GPRC5C: variants seen among roughly 807,000 people sequenced by gnomAD.
GPRC5C encodes the protein G protein-coupled receptor class C group 5 member C.
GPRC5C carries 22 observed loss-of-function variants against 31.4 expected under a neutral mutation model. The observed-to-expected ratio is 0.70, with a 90% CI of 0.50 to 1.00. The LOEUF (loss-of-function observed/expected upper bound fraction) is 1.00, where lower values mean the gene tolerates loss of function less well. Among genes scored for constraint, GPRC5C ranks in the 50% least tolerant of loss-of-function variants. The pLI, the probability that GPRC5C is intolerant of heterozygous loss-of-function variation, is 0.00. For synonymous variants in GPRC5C, 249 were observed against 257.5 expected (o/e 0.97, Z 0.32); for missense variants, 557 against 597.2 (o/e 0.93, Z 0.70).
chr17:74,442,043 C>T (rs1409864012), intron 2 of GPRC5C, among the ~76,000 whole-genome samples: 4 of 152,086 alleles, frequency 2.6e-5, no homozygotes, highest in African/African-American at 9.7e-5. Context: ...CGCTCTGTCA[C>T]CCAGGCTGGA....
downstream of GPRC5C, chr17:74,449,508 G>A: frequency 2.3e-6 from 1 of 427,332 alleles, no homozygotes; most frequent in Non-Finnish European, 4.4e-6. Context: ...TGGACCGAGT[G>A]GGCCCCCGTG....
At position 74,446,775 on chromosome 17, in the gene GPRC5C, A is replaced by G. The variant is rs1008875222; in HGVS notation, c.1147-74A>G. 13 of 1,147,764 alleles carry G rather than the reference A, an allele frequency of 1.1e-5. No individual in the cohort carries two copies. The Admixed American group carries it at 2.4e-4, about 21-fold the overall frequency. 71.1% of individuals were successfully genotyped at this position (1,147,764 alleles called of 1,614,324 possible). Reference sequence around the variant, plus strand: ...ATCTGGCAGTCCCAGCCCTGCAGGAAGTGTTTGTGCATCCGCCCCGGCGGA... The same window carrying G: ...ATCTGGCAGTCCCAGCCCTGCAGGAGGTGTTTGTGCATCCGCCCCGGCGGA... On this transcript the variant is annotated intron_variant, in intron 3 of 3. Transcript: ENST00000392627.
Position 74,447,005 on chromosome 17 carries a change from A to G in GPRC5C, c.1303A>G (p.Arg435Gly). 1 of 1,614,008 alleles carries G rather than the reference A, an allele frequency of 6.2e-7. No individual in the cohort carries two copies. The highest frequency in any genetic ancestry group is 1.1e-5 in the South Asian group (1 of 91,086). ...PKDGKNSQVF[R>G]NPYVWD is the part of the protein sequence containing the mutation. ...AGACGGCAAGAACTCTCAGGTCTTT[A>G]GAAACCCCTACGTGTGGGACTGAGT... Residue 435 changes from arginine to glycine, a missense_variant, in exon 4 of 4, where the codon AGA becomes GGA. Physicochemically the swap from Arg to Gly is moderately radical, Grantham distance 125. Transcript: ENST00000392627.
intron 1 of GPRC5C, among the ~76,000 whole-genome samples, chr17:74,434,687 C>T (rs1345477153): frequency 6.6e-6 from 1 of 152,190 alleles, no homozygotes; most frequent in African/African-American, 2.4e-5. Flanking sequence ...CTTTGAGAGG[C>T]TGAGGTAGGT....
At chr17:74,445,203 C>T (rs4530705) in intron 3 of GPRC5C, 93,971 of 151,718 alleles carry the variant, frequency 0.62, 34,340 homozygotes, top group Non-Finnish European at 0.79. Context: ...TGAGCACAGA[C>T]TGTACCACTG....
chr17:74,438,120 G>A (rs2055461955), intron 1 of GPRC5C, among the ~76,000 whole-genome samples: 1 of 145,368 alleles, frequency 6.9e-6, no homozygotes, highest in South Asian at 2.2e-4. Context: ...CTGCAGCCTC[G>A]ATCCCCTGGG....
At chr17:74,433,623 C>T in intron 1 of GPRC5C, 2 of 1,125,582 alleles carry the variant, frequency 1.8e-6, no homozygotes, top group Admixed American at 1.7e-5. Flanking sequence ...GGCTGTCAGT[C>T]GGGCCATCGT....
At position 74,443,867 on chromosome 17, in the gene GPRC5C, C is replaced by T; in HGVS notation, c.1101C>T (p.Thr367=). The change falls in exon 3 of 4, where the codon ACC becomes ACT. Residue 367 remains threonine, a synonymous_variant. Transcript: ENST00000392627. ...PYSGYNGQLL[T]SVYQPTEMAL... The stretch of plus-strand genomic sequence containing the variant: ...GCGGGTACAATGGGCAGCTGCTGAC[C>T]AGTGTGTACCAGCCCACTGAGATGG... 2.5e-6 allele frequency: 4 copies of T among 1,613,524 alleles called. No homozygotes were observed. Among genetic ancestry groups the T allele is most frequent in the East Asian group, 2.2e-5 (1 of 44,886 alleles).
chr17:74,442,833 C>T (rs2670824), intron 2 of GPRC5C, among the ~76,000 whole-genome samples: 31 of 152,150 alleles, frequency 2.0e-4, no homozygotes, highest in South Asian at 4.1e-4. Flanking sequence ...GTGTGCATGG[C>T]GGGGGTGGAA....
At position 74,432,412 on chromosome 17, in the gene GPRC5C, G is replaced by A. The variant is rs564045483; in HGVS notation, c.-33+271G>A. 3,173 of 1,198,718 alleles carry A rather than the reference G, an allele frequency of 2.6e-3. 7 individuals are homozygous for A. The highest frequency in any genetic ancestry group is 3.0e-3 in the Non-Finnish European group (2,918 of 965,674). The allele number at this position is 1,198,718 out of a possible 1,614,324, so 74.3% of individuals were successfully genotyped here. ...GGGCCCCGCCATCCCAGCCAGGACCGGGCCTGGCCCAGCGCCCCGCGCCGC... is the reference window on the plus strand; with the variant it reads ...GGGCCCCGCCATCCCAGCCAGGACCAGGCCTGGCCCAGCGCCCCGCGCCGC... On this transcript the variant is annotated intron_variant, in intron 1 of 3. Coordinates refer to ENST00000392627, the MANE Select transcript of GPRC5C (RefSeq NM_022036.4).
In GPRC5C at chr17:74,432,183, G is replaced by A. The variant is rs2055359506; in HGVS notation, c.-33+42G>A. Reference sequence around the variant, plus strand: ...AGGGCCGGGCAGGCTTTGTTCCTGTGTAAACGGAGCGCACGTACCTGGAGC... The same window carrying A: ...AGGGCCGGGCAGGCTTTGTTCCTGTATAAACGGAGCGCACGTACCTGGAGC... On this transcript the variant is annotated intron_variant, in intron 1 of 3. Transcript: ENST00000392627. The A allele has an allele frequency of 5.0e-6, 8 of 1,587,572 alleles. No homozygotes were observed. In the South Asian group the frequency reaches 7.9e-5, roughly 16 times the overall value.
At chr17:74,448,565 G>C (rs539301008), downstream of GPRC5C, among the ~76,000 whole-genome samples, 9 of 152,176 alleles carry the variant, frequency 5.9e-5, no homozygotes, top group South Asian at 1.9e-3. Flanking sequence ...TTTTAGTAGA[G>C]ACAGGGTTTC....
chr17:74,432,194 G>T (rs751596967), intron 1 of GPRC5C, 53 bp downstream of exon 1: 1 of 1,576,394 alleles, frequency 6.3e-7, no homozygotes. Context: ...TAAACGGAGC[G>T]CACGTACCTG....
chr17:74,448,087 T>C (rs1217638278), downstream of GPRC5C, among the ~76,000 whole-genome samples: 1 of 152,252 alleles, frequency 6.6e-6, no homozygotes, highest in South Asian at 2.1e-4. Context: ...GGTGGGAGGA[T>C]TGCTTGAGCC....
Position 74,440,448 on chromosome 17 carries a change from C to G in GPRC5C, c.672C>G (p.Phe224Leu). The stretch of plus-strand genomic sequence containing the variant: ...TCATGCTGCTGCTGCTGGGTGCCTT[C>G]CTGGGGGCCTGGCCCGCCCTGTGTG... ...IYVMLLLLGAFLGAWPALCGR... is the reference protein window; with the variant it reads ...IYVMLLLLGALLGAWPALCGR... The change falls in exon 2 of 4, where the codon TTC (phenylalanine) becomes TTG (leucine). Residue 224 changes from phenylalanine (F) to leucine (L), a missense_variant. By Grantham distance (22) the Phe-to-Leu change is conservative (BLOSUM62 0). Coordinates refer to ENST00000392627, the MANE Select transcript of GPRC5C (RefSeq NM_022036.4). The surrounding 1 kb of genome is among the most constrained non-coding windows in gnomAD (Gnocchi z 4.4). 6.2e-7 allele frequency: 1 copy of G among 1,614,044 alleles called. No homozygotes were observed. Among genetic ancestry groups the G allele is most frequent in the Non-Finnish European group, 8.5e-7 (1 of 1,179,946 alleles).
intron 1 of GPRC5C, 53 bp downstream of exon 1, chr17:74,432,194 G>A: frequency 6.3e-7 from 1 of 1,576,394 alleles, no homozygotes. Context: ...TAAACGGAGC[G>A]CACGTACCTG....
chr17:74,443,762 G>A (rs2055581780), intron 2 of GPRC5C, 56 bp from the exon 3 acceptor site: 2 of 1,273,758 alleles, frequency 1.6e-6, no homozygotes, highest in Non-Finnish European at 2.3e-6. Context: ...TGTGGGAGGT[G>A]GGGAAGGGAG....
At chr17:74,442,913 C>T (rs766565090) in intron 2 of GPRC5C, among the ~76,000 whole-genome samples, 58 of 152,206 alleles carry the variant, frequency 3.8e-4, no homozygotes, top group Non-Finnish European at 2.9e-4. Flanking sequence ...CCCGCCCCCA[C>T]ACTGAATGCC....
rs763254262 is a variant in GPRC5C, at chr17:74,440,746, T to C, written c.970T>C (p.Tyr324His). Residue 324 changes from tyrosine to histidine, a missense_variant, in exon 2 of 4, where the codon TAT becomes CAT. Physicochemically the swap from Tyr to His is moderately conservative, Grantham distance 83. Transcript: ENST00000392627. The surrounding 1 kb of genome is among the most constrained non-coding windows in gnomAD (Gnocchi z 4.4). ...CATGTACCCCACCCGGGGCGTGGGCTATGAGACCATCCTGAAAGAGCAGAA... is the reference window on the plus strand; with the variant it reads ...CATGTACCCCACCCGGGGCGTGGGCCATGAGACCATCCTGAAAGAGCAGAA... The part of the protein sequence containing the change: ...GDMYPTRGVG[Y>H]ETILKEQKGQ... 1.3e-6 allele frequency: 2 copies of C among 1,589,866 alleles called. No individual in the cohort carries two copies. The highest frequency in any genetic ancestry group is 2.2e-5 in the South Asian group (2 of 89,340).
Sources: allele counts gnomAD v4.1 joint callset (sites outside exome capture counted in the v4.1 genomes callset), GRCh38; gene constraint gnomAD v4.1.1; non-coding constraint Gnocchi (gnomAD v3.1); transcripts MANE v1.5; gene names NCBI Gene and HGNC (gene_info 2026-07-23, HGNC 2026-07-21).